FBXL14: variants seen among roughly 807,000 people sequenced by gnomAD.
FBXL14 encodes F-box/LRR-repeat protein 14.
FBXL14 carries 11 observed loss-of-function variants against 24.5 expected under a neutral mutation model. The observed-to-expected ratio is 0.45, with a 90% CI of 0.28 to 0.74. The LOEUF is 0.74. FBXL14 is among the 30% of genes least tolerant of loss of function. The probability of loss-of-function intolerance (pLI) is 0.12; values close to 1 mark genes in which losing one functional copy is unlikely to be tolerated. For missense variants in FBXL14, 384 were observed against 545.6 expected (o/e 0.70, Z 2.95); for synonymous variants, 294 against 240.4 (o/e 1.22, Z -2.06).
At chr12:1,566,851 T>C (rs1312819843) in intron 1 of FBXL14, 41 bp from the exon 2 acceptor site, 2 of 779,252 alleles carry the variant, frequency 2.6e-6, no homozygotes, top group Non-Finnish European at 4.8e-6. Context: ...TGAAAGAGAC[T>C]GCCGCACTCT....
chr12:1,586,381 AT>A (rs1248623199), intron 1 of FBXL14, among the ~76,000 whole-genome samples: 1 of 151,990 alleles, frequency 6.6e-6, no homozygotes, highest in Admixed American at 6.5e-5. Context: ...AAAAATAATA[AT>A]TTTTTTAAGA....
chr12:1,593,191 C>T lies in FBXL14; in HGVS notation c.876G>A (p.Val292=), dbSNP rs972951159. 4 of 1,613,248 alleles carry T rather than the reference C, an allele frequency of 2.5e-6. No individual in the cohort carries two copies. The highest frequency in any genetic ancestry group is 1.3e-5 in the African/African-American group (1 of 74,942). ...CTATGTAAGCCAGACTCTGGTCTCC[C>T]ACCTTGTCACAGAACGAAACATCCA... ...SGLDVSFCDK[V]GDQSLAYIAQ... is the part of the protein sequence containing the mutation. The change falls in exon 1 of 2, where the codon GTG becomes GTA. Residue 292 remains valine, a synonymous_variant. Transcript: ENST00000339235. This position sits in a 1 kb window ranked among gnomAD's most constrained non-coding sequence, Gnocchi z 7.4.
At chr12:1,581,941 A>T (rs953731841) in intron 1 of FBXL14, among the ~76,000 whole-genome samples, 2 of 152,200 alleles carry the variant, frequency 1.3e-5, no homozygotes, top group African/African-American at 4.8e-5. Flanking sequence ...CCTGGCCAAC[A>T]TGGCAAAACC....
chr12:1,593,346 T>A lies in FBXL14; in HGVS notation c.721A>T (p.Ile241Phe). Residue 241 changes from isoleucine (I) to phenylalanine (F), a missense_variant, in exon 1 of 2, where the codon ATC (isoleucine) becomes TTC (phenylalanine). Transcript: ENST00000339235. The surrounding 1 kb of genome is among the most constrained non-coding windows in gnomAD (Gnocchi z 7.4). The part of the protein sequence containing the change: ...RLLNLSFCGG[I>F]SDAGLLHLSH... Reference sequence around the variant, plus strand: ...AGGTGCAGGAGGCCAGCGTCCGAGATTCCCCCACAGAAGCTGAGGTTGAGG... The same window carrying A: ...AGGTGCAGGAGGCCAGCGTCCGAGAATCCCCCACAGAAGCTGAGGTTGAGG... 6.2e-7 allele frequency: 1 copy of A among 1,613,776 alleles called. No individual in the cohort carries two copies. Among genetic ancestry groups the A allele is most frequent in the Non-Finnish European group, 8.5e-7 (1 of 1,180,008 alleles).
chr12:1,567,311 A>AT lies in FBXL14; in HGVS notation c.1195-502dup, dbSNP rs1319870773. 6.6e-6 allele frequency among the ~76,000 whole-genome samples: 1 copy of AT among 152,062 alleles called. No individual in the cohort carries two copies. Among genetic ancestry groups the AT allele is most frequent in the Admixed American group, 6.6e-5 (1 of 15,254 alleles). On this transcript the variant is annotated intron_variant, in intron 1 of 1. Transcript: ENST00000339235. This position sits in a 1 kb window ranked among gnomAD's most constrained non-coding sequence, Gnocchi z 4.8. ...AACCCCATCTCTACTAAAAATAAAA[A>AT]TTAAAAAAAAGGAAAAGAAAGAAAA...
At position 1,566,791 on chromosome 12, in the gene FBXL14, GA is replaced by G. The variant is rs1371065946; in HGVS notation, c.1213del (p.Ser405LeufsTer6). ...CCGAGTTCTCACAGTGAATAATGGA[GA>G]AAAATCCCCTCGTGCCTCCTGCAGT... ...DSEKEARGDF[S>X]PLFTVRTRGS... On this transcript the variant is annotated frameshift_variant, in exon 2 of 2. Transcript: ENST00000339235. LOFTEE classifies it high-confidence loss of function. The G allele has an allele frequency of 1.3e-6, 1 of 780,970 alleles. No individual in the cohort carries two copies. The allele number at this position is 780,970 out of a possible 1,614,324, so 48.4% of individuals were successfully genotyped here.
At position 1,579,892 on chromosome 12, in the gene FBXL14, C is replaced by A. The variant is rs916908330; in HGVS notation, c.1194+12981G>T. On this transcript the variant is annotated intron_variant, in intron 1 of 1. Transcript: ENST00000339235. The surrounding 1 kb of genome is among the most constrained non-coding windows in gnomAD (Gnocchi z 4.3). Reference sequence around the variant, plus strand: ...TGGAATGATGAGAACTCAGGGCCAGCCTGAAATGTTCATCCTCATCGATTA... The same window carrying A: ...TGGAATGATGAGAACTCAGGGCCAGACTGAAATGTTCATCCTCATCGATTA... Among the ~76,000 whole-genome samples, 1 of 152,144 alleles carries A rather than the reference C, an allele frequency of 6.6e-6. No homozygotes were observed. Among genetic ancestry groups the A allele is most frequent in the Non-Finnish European group, 1.5e-5 (1 of 68,016 alleles).
chr12:1,584,844 C>T lies in FBXL14; in HGVS notation c.1194+8029G>A, dbSNP rs148568480. ...ATCTTGTCGTTGTTGTTGTTCACAG[C>T]AGTGGAGTTTTGGGCAATGAAGTTA... On this transcript the variant is annotated intron_variant, in intron 1 of 1. Coordinates refer to ENST00000339235, the MANE Select transcript of FBXL14 (RefSeq NM_152441.3). 3.9e-5 allele frequency among the ~76,000 whole-genome samples: 6 copies of T among 152,268 alleles called. No homozygotes were observed. The East Asian group carries it at 1.2e-3, about 29-fold the overall frequency.
chr12:1,569,397 C>CTT lies in FBXL14; in HGVS notation c.1195-2589_1195-2588dup, dbSNP rs35122636. 8.9e-5 allele frequency among the ~76,000 whole-genome samples: 12 copies of CTT among 134,920 alleles called. No individual in the cohort carries two copies. The highest frequency in any genetic ancestry group is 2.7e-4 in the African/African-American group (10 of 36,698). The allele number at this position is 134,920 out of a possible 152,430, so 88.5% of individuals were successfully genotyped here. A position where few individuals can be genotyped will look rare whatever the true frequency, so the allele number is the denominator to read the frequency against. ...ATGCTAAATAAGAAACCACTTCGTT[C>CTT]TTTTTTTTTTTTTTTTTGTCTGAGA... On this transcript the variant is annotated intron_variant, in intron 1 of 1. Coordinates refer to ENST00000339235, the MANE Select transcript of FBXL14 (RefSeq NM_152441.3). This position sits in a 1 kb window ranked among gnomAD's most constrained non-coding sequence, Gnocchi z 4.2.
At position 1,566,825 on chromosome 12, in the gene FBXL14, A is replaced by T. The variant is rs780424834; in HGVS notation, c.1195-15T>A. 5.1e-6 allele frequency: 4 copies of T among 780,792 alleles called. No homozygotes were observed. The highest frequency in any genetic ancestry group is 9.6e-6 in the Non-Finnish European group (4 of 418,036). 48.4% of individuals were successfully genotyped at this position (780,792 alleles called of 1,614,324 possible). ...CCTCGTGCCTCCTGCAGTGGGAAGA[A>T]GAAAAAGGACCATTTTGAAAGAGAC... On this transcript the variant is annotated splice_polypyrimidine_tract_variant and intron_variant, in intron 1 of 1. Transcript: ENST00000339235.
At chr12:1,585,187 A>G (rs2094474082) in intron 1 of FBXL14, among the ~76,000 whole-genome samples, 2 of 151,780 alleles carry the variant, frequency 1.3e-5, no homozygotes, top group Non-Finnish European at 1.5e-5. Flanking sequence ...TCACAAGGTC[A>G]GGAGATCGAG....
At position 1,593,988 on chromosome 12, in the gene FBXL14, G is replaced by A. The variant is rs760862861; in HGVS notation, c.79C>T (p.Arg27Cys). The A allele has an allele frequency of 1.3e-5, 20 of 1,585,420 alleles. No homozygotes were observed. The highest frequency in any genetic ancestry group is 1.7e-5 in the Admixed American group (1 of 58,034). The change falls in exon 1 of 2, where the codon CGC (arginine) becomes TGC (cysteine). Residue 27 changes from arginine to cysteine, a missense_variant. Arg to Cys is a radical substitution (Grantham distance 180, BLOSUM62 -3). Coordinates refer to ENST00000339235, the MANE Select transcript of FBXL14 (RefSeq NM_152441.3). The surrounding 1 kb of genome is among the most constrained non-coding windows in gnomAD (Gnocchi z 7.4). Reference protein sequence around the residue: ...FGYLDVRDKGRAAQVCTAWRD... With the variant: ...FGYLDVRDKGCAAQVCTAWRD... Reference sequence around the variant, plus strand: ...CAGGCGGTGCACACCTGCGCCGCGCGCCCCTTGTCCCGGACGTCCAGGTAG... The same window carrying A: ...CAGGCGGTGCACACCTGCGCCGCGCACCCCTTGTCCCGGACGTCCAGGTAG...
chr12:1,572,030 G>A (rs1266988717), intron 1 of FBXL14, among the ~76,000 whole-genome samples: 1 of 152,188 alleles, frequency 6.6e-6, no homozygotes, highest in Non-Finnish European at 1.5e-5. Flanking sequence ...GAATTAGGAG[G>A]CTTCACCACC....
chr12:1,589,962 A>T (rs2094485798), intron 1 of FBXL14, among the ~76,000 whole-genome samples: 1 of 152,244 alleles, frequency 6.6e-6, no homozygotes, highest in Admixed American at 6.5e-5. Flanking sequence ...AAGAATGTGA[A>T]TACAGAGCCT....
In FBXL14 at chr12:1,567,888, CGCGCACACACGT is replaced by C. The variant is rs1433631210; in HGVS notation, c.1195-1090_1195-1079del. On this transcript the variant is annotated intron_variant, in intron 1 of 1. Coordinates refer to ENST00000339235, the MANE Select transcript of FBXL14 (RefSeq NM_152441.3). The surrounding 1 kb of genome is among the most constrained non-coding windows in gnomAD (Gnocchi z 4.8). ...AAGAAAACCCACCCACACGCACACG[CGCGCACACACGT>C]GCGCACACACACAGAACAGAATATC... 1.9e-4 allele frequency among the ~76,000 whole-genome samples: 29 copies of C among 152,228 alleles called. No homozygotes were observed. The highest frequency in any genetic ancestry group is 4.1e-4 in the South Asian group (2 of 4,824).
intron 1 of FBXL14, among the ~76,000 whole-genome samples, chr12:1,572,935 T>C (rs1292198481): frequency 2.6e-5 from 4 of 152,124 alleles, no homozygotes; most frequent in African/African-American, 9.7e-5. Context: ...GCACAGGATG[T>C]AATAAGAGAG....
Position 1,594,388 on chromosome 12 carries a change from C to T in FBXL14, c.-322G>A, listed in dbSNP as rs1160527513. Among the ~76,000 whole-genome samples, 1 of 146,152 alleles carries T rather than the reference C, an allele frequency of 6.8e-6. No individual in the cohort carries two copies. Among genetic ancestry groups the T allele is most frequent in the Non-Finnish European group, 1.5e-5 (1 of 65,750 alleles). On this transcript the variant is annotated 5_prime_UTR_variant, in exon 1 of 2. Transcript: ENST00000339235. ...AGGCCGGCCGCCGCCGCCGCCTCGG[C>T]TCTACCCACGCCGCGCCCGGGCCGC...
chr12:1,575,323 C>A (rs1271909351), intron 1 of FBXL14, among the ~76,000 whole-genome samples: 4 of 152,206 alleles, frequency 2.6e-5, no homozygotes, highest in Non-Finnish European at 5.9e-5. Flanking sequence ...CTAAATCTAT[C>A]TCTATCAATG....
intron 1 of FBXL14, among the ~76,000 whole-genome samples, chr12:1,591,596 G>A (rs566698207): frequency 6.8e-4 from 104 of 152,234 alleles, no homozygotes; most frequent in Non-Finnish European, 1.2e-3. Context: ...ATCCTACTCA[G>A]AAGTGATTTC....
Sources: allele counts gnomAD v4.1 joint callset (sites outside exome capture counted in the v4.1 genomes callset), GRCh38; gene constraint gnomAD v4.1.1; non-coding constraint Gnocchi (gnomAD v3.1); transcripts MANE v1.5; gene names NCBI Gene and HGNC (gene_info 2026-07-23, HGNC 2026-07-21).